Variants in TLCD4 observed in about 807,000 individuals in gnomAD.
TLCD4 encodes TLC domain-containing protein 4.
Under a neutral mutation model 24.2 loss-of-function variants are expected in TLCD4, and 7 were observed. The observed-to-expected ratio is 0.29, with a 90% CI of 0.16 to 0.54. The LOEUF is 0.54. Ranked by LOEUF, TLCD4 falls within the 20% of genes least tolerant of loss-of-function variation. The pLI, the probability that TLCD4 is intolerant of heterozygous loss-of-function variation, is 0.95. For synonymous variants in TLCD4, 103 were observed against 106.4 expected (o/e 0.97, Z 0.20); for missense variants, 259 against 313.9 (o/e 0.82, Z 1.32).
chr1:95,110,177 A>C, the TLCD4 span, among the ~76,000 whole-genome samples: 1 of 151,300 alleles, frequency 6.6e-6, no homozygotes, highest in Non-Finnish European at 1.5e-5. Context: ...ATAATATAGA[A>C]ATGACAGTTT....
intron 5 of TLCD4, among the ~76,000 whole-genome samples, chr1:95,166,295 G>C (rs1678016677): frequency 6.6e-6 from 1 of 152,130 alleles, no homozygotes; most frequent in Non-Finnish European, 1.5e-5. Flanking sequence ...ACTGTGGTAT[G>C]ATGAACATAA....
the TLCD4 span, among the ~76,000 whole-genome samples, chr1:95,106,035 C>A: frequency 1.2e-4 from 18 of 152,132 alleles, no homozygotes; most frequent in African/African-American, 3.9e-4. Context: ...TCAATGATGA[C>A]CCCCAGGTCT....
chr1:95,135,284 A>G (rs1175284920), intron 1 of TLCD4, among the ~76,000 whole-genome samples: 1 of 152,066 alleles, frequency 6.6e-6, no homozygotes, highest in Non-Finnish European at 1.5e-5. Context: ...TACCACTTCC[A>G]TGATAGACAC....
At chr1:95,094,944 T>C in the TLCD4 span, among the ~76,000 whole-genome samples, 1 of 152,196 alleles carries the variant, frequency 6.6e-6, no homozygotes. Context: ...TGTGCATCCA[T>C]GAGTATGAGT....
the TLCD4 span, among the ~76,000 whole-genome samples, chr1:95,096,438 C>T: frequency 1.3e-5 from 2 of 152,108 alleles, no homozygotes; most frequent in African/African-American, 4.8e-5. Context: ...GAGACTGTTG[C>T]AGTAACCTGG....
At chr1:95,096,091 G>A in the TLCD4 span, among the ~76,000 whole-genome samples, 11 of 152,192 alleles carry the variant, frequency 7.2e-5, no homozygotes, top group African/African-American at 2.4e-4. Context: ...CAAAGCAGAA[G>A]GTACACTAAC....
At chr1:95,145,685 C>T (rs958612242) in intron 2 of TLCD4, among the ~76,000 whole-genome samples, 4 of 152,054 alleles carry the variant, frequency 2.6e-5, no homozygotes, top group East Asian at 1.9e-4. Context: ...TTTCCTCTTT[C>T]CTGTGGTTAG....
At chr1:95,169,982 A>G (rs1678149715) in intron 5 of TLCD4, among the ~76,000 whole-genome samples, 2 of 152,332 alleles carry the variant, frequency 1.3e-5, no homozygotes, top group South Asian at 4.1e-4. Context: ...ATTTGATCTT[A>G]TCTTTGGAAA....
intron 5 of TLCD4, chr1:95,163,921 G>T (rs185036097): frequency 6.6e-6 from 1 of 152,464 alleles, no homozygotes; most frequent in East Asian, 1.9e-4. Flanking sequence ...CTACTGGGAG[G>T]TGCCTACCAG....
chr1:95,104,264 C>A, the TLCD4 span, among the ~76,000 whole-genome samples: 4 of 152,164 alleles, frequency 2.6e-5, no homozygotes, highest in Non-Finnish European at 5.9e-5. Flanking sequence ...TAGCACCCAC[C>A]TTGCAGGGTG....
chr1:95,181,580 A>ATTTATTTATTTATTTAT lies in TLCD4; in HGVS notation c.473+7693_473+7694insTATTTATTTATTTATTT, dbSNP rs1553172742. Among the ~76,000 whole-genome samples the ATTTATTTATTTATTTAT allele has an allele frequency of 4.5e-3, 661 of 146,052 alleles. 3 individuals carry two copies. The highest frequency in any genetic ancestry group is 7.6e-3 in the South Asian group (34 of 4,452). On this transcript the variant is annotated intron_variant, in intron 6 of 6. Coordinates refer to ENST00000370203, the MANE Select transcript of TLCD4 (RefSeq NM_152487.3). ...CTTTAACCTGTTTTAAATTTGTTTA[A>ATTTATTTATTTATTTAT]TTATTTATTTATTTATTTATTTATT...
chr1:95,195,215 T>G lies in TLCD4; in HGVS notation c.*3347T>G, dbSNP rs971637430. On this transcript the variant is annotated 3_prime_UTR_variant, in exon 7 of 7. Transcript: ENST00000370203. ...ACACTGGGCATTTGGAGAATGGTTC[T>G]TCACTGGTGTAGAGAGCCAGGTTTA... 7 of 152,218 alleles carry G rather than the reference T, an allele frequency of 4.6e-5. No homozygotes were observed. The highest frequency in any genetic ancestry group is 2.6e-4 in the Admixed American group (4 of 15,278). The allele number at this position is 152,218 out of a possible 1,614,324, so 9.4% of individuals were successfully genotyped here. A position where few individuals can be genotyped will look rare whatever the true frequency, so the allele number is the denominator to read the frequency against.
intron 2 of TLCD4, among the ~76,000 whole-genome samples, chr1:95,145,745 GA>G (rs1677326245): frequency 6.6e-6 from 1 of 152,158 alleles, no homozygotes; most frequent in African/African-American, 2.4e-5. Flanking sequence ...AGAGAAATAG[GA>G]AAGGGTACAG....
intron 1 of TLCD4, among the ~76,000 whole-genome samples, chr1:95,128,335 A>T (rs993004000): frequency 6.6e-6 from 1 of 152,240 alleles, no homozygotes; most frequent in Non-Finnish European, 1.5e-5. Context: ...GAATAAATGT[A>T]AATGAAATAA....
intron 5 of TLCD4, 147 bp from the exon 6 acceptor site, chr1:95,173,669 G>A: frequency 1.0e-6 from 1 of 964,688 alleles, no homozygotes; most frequent in South Asian, 1.8e-5. Context: ...AAGAAAATCA[G>A]TTTAACAGTA....
chr1:95,197,046 T>C lies in TLCD4; in HGVS notation c.*5178T>C, dbSNP rs575606987. 3 of 152,266 alleles carry C rather than the reference T, an allele frequency of 2.0e-5. No individual in the cohort carries two copies. The highest frequency in any genetic ancestry group is 1.9e-4 in the East Asian group (1 of 5,186). The allele number at this position is 152,266 out of a possible 1,614,324, so 9.4% of individuals were successfully genotyped here. A position where few individuals can be genotyped will look rare whatever the true frequency, so the allele number is the denominator to read the frequency against. On this transcript the variant is annotated 3_prime_UTR_variant, in exon 7 of 7. Transcript: ENST00000370203. ...CAGTAAATAGAACTATAGTGATATA[T>C]ATAGATACATAGATATATACTTTTT...
At chr1:95,172,572 C>T (rs1305305984) in intron 5 of TLCD4, among the ~76,000 whole-genome samples, 2 of 152,178 alleles carry the variant, frequency 1.3e-5, no homozygotes, top group Non-Finnish European at 2.9e-5. Flanking sequence ...CCTTCTTCCT[C>T]ATCACAAATT....
intron 6 of TLCD4, among the ~76,000 whole-genome samples, chr1:95,183,257 A>G (rs1557697924): frequency 6.6e-6 from 1 of 152,230 alleles, no homozygotes; most frequent in Non-Finnish European, 1.5e-5. Context: ...TGAAGAAATG[A>G]AATGAAATTG....
At chr1:95,129,916 C>T (rs573505115) in intron 1 of TLCD4, among the ~76,000 whole-genome samples, 21 of 152,232 alleles carry the variant, frequency 1.4e-4, no homozygotes, top group Non-Finnish European at 2.6e-4. Flanking sequence ...TTTACACTCA[C>T]GATAATGGTT....
Sources: gnomAD v4.1 joint callset for allele counts (sites outside exome capture counted in the v4.1 genomes callset) on GRCh38, gnomAD v4.1.1 for gene constraint, MANE v1.5 for transcripts, NCBI Gene and HGNC (gene_info 2026-07-23, HGNC 2026-07-21) for gene names.